The following ELP4 variants were observed in gnomAD, a reference collection of about 807,000 sequenced individuals.
The protein encoded by ELP4 is elongator complex protein 4.
A neutral mutation model predicts 48.9 loss-of-function variants in ELP4; 51 were observed. The ratio of observed to expected loss-of-function variants is 1.04; its 90% confidence interval spans 0.83 to 1.32. The LOEUF is 1.32. ELP4 is among the 40% of genes most tolerant of loss of function. ELP4 has a pLI of 0.00. For missense variants in ELP4, 519 were observed against 514.6 expected, an observed-to-expected ratio of 1.01 and a Z score of -0.08; for synonymous variants, 210 against 189.2, an observed-to-expected ratio of 1.11 and a Z score of -0.90.
At chr11:31,608,172 G>T (rs1957908459) in intron 5 of ELP4, among the ~76,000 whole-genome samples, 1 of 151,982 alleles carries the variant, frequency 6.6e-6, no homozygotes, top group Admixed American at 6.6e-5. Flanking sequence ...ATGTTAGAGG[G>T]TATAATGGAA....
chr11:31,628,429 A>G (rs909687722), intron 6 of ELP4: 3 of 105,556 alleles, frequency 2.8e-5, no homozygotes, highest in African/African-American at 1.2e-4. Context: ...GGTAATAGCA[A>G]AAGGAATACA....
intron 2 of ELP4, among the ~76,000 whole-genome samples, chr11:31,525,363 T>C (rs1015439566): frequency 2.0e-5 from 3 of 152,196 alleles, no homozygotes; most frequent in Admixed American, 6.5e-5. Flanking sequence ...GCTCTTACAA[T>C]GTGTTCAGCA....
chr11:31,585,245 T>G (rs1021233765), intron 3 of ELP4, among the ~76,000 whole-genome samples: 4 of 152,178 alleles, frequency 2.6e-5, no homozygotes, highest in African/African-American at 9.7e-5. Flanking sequence ...TCTTAAGAAT[T>G]AATTAGGGCC....
intron 9 of ELP4, among the ~76,000 whole-genome samples, chr11:31,782,403 G>A (rs566243266): frequency 3.9e-4 from 59 of 152,292 alleles, no homozygotes; most frequent in Non-Finnish European, 7.5e-4. Flanking sequence ...AAGGCTGTGT[G>A]TAGTCATCAG....
intron 9 of ELP4, among the ~76,000 whole-genome samples, chr11:31,745,962 G>A (rs370288555): frequency 6.6e-6 from 1 of 152,116 alleles, no homozygotes; most frequent in African/African-American, 2.4e-5. Flanking sequence ...GCAACCTACA[G>A]AATGGGAGAA....
chr11:31,557,036 A>C (rs1457331369), intron 3 of ELP4, among the ~76,000 whole-genome samples: 1 of 151,944 alleles, frequency 6.6e-6, no homozygotes, highest in Non-Finnish European at 1.5e-5. Context: ...CTTTGAAATA[A>C]ACCAGAAGTC....
chr11:31,650,994 G>C (rs1159318826), intron 9 of ELP4: 3 of 151,550 alleles, frequency 2.0e-5, no homozygotes, highest in Non-Finnish European at 4.4e-5. Context: ...CAAATGAAAA[G>C]CTCCTAAGCA....
rs527627231 is a variant in ELP4 at position 31,562,176 on chromosome 11, T to G, written c.381+22393T>G. Among the ~76,000 whole-genome samples, 62 of 152,338 alleles carry G rather than the reference T, an allele frequency of 4.1e-4. 1 individual carries two copies. Among genetic ancestry groups the G allele is most frequent in the African/African-American group, 1.4e-3 (58 of 41,584 alleles). On this transcript the variant is annotated intron_variant, in intron 3 of 9. Transcript: ENST00000640961. ...GGGATTAATTACATACGGAAATTGT[T>G]TTGAGATCTTTTGTGATTGGTACTT...
chr11:31,773,198 G>C (rs775267188), intron 9 of ELP4, among the ~76,000 whole-genome samples: 4 of 152,238 alleles, frequency 2.6e-5, no homozygotes, highest in African/African-American at 4.8e-5. Context: ...TAGATTTGCA[G>C]TCTATTTGCT....
intron 5 of ELP4, among the ~76,000 whole-genome samples, chr11:31,605,432 G>C (rs567306253): frequency 6.6e-6 from 1 of 151,926 alleles, no homozygotes; most frequent in Admixed American, 6.6e-5. Context: ...AATAGGTCAG[G>C]GTAATTTTCC....
At chr11:31,771,068 T>C (rs1444146315) in intron 9 of ELP4, among the ~76,000 whole-genome samples, 2 of 152,174 alleles carry the variant, frequency 1.3e-5, no homozygotes, top group African/African-American at 4.8e-5. Flanking sequence ...AGAATTAAAC[T>C]CAGCAAACCA....
At chr11:31,510,571 G>T in intron 1 of ELP4, 1 of 395,402 alleles carries the variant, frequency 2.5e-6, no homozygotes, top group South Asian at 1.4e-4. Flanking sequence ...AAAGTATTTT[G>T]AGCCTGTCGT....
At chr11:31,614,542 T>C (rs12787473) in intron 5 of ELP4, among the ~76,000 whole-genome samples, 2 of 152,132 alleles carry the variant, frequency 1.3e-5, no homozygotes, top group African/African-American at 4.8e-5. Context: ...ATAAGATAAC[T>C]TACATAGCCA....
In ELP4 at chr11:31,789,564, A is replaced by T; in HGVS notation, c.*6040A>T. The T allele has an allele frequency of 1.7e-6, 1 of 604,140 alleles. No individual in the cohort carries two copies. Among genetic ancestry groups the T allele is most frequent in the Admixed American group, 3.1e-5 (1 of 32,556 alleles). 37.4% of individuals were successfully genotyped at this position (604,140 alleles called of 1,614,324 possible). On this transcript the variant is annotated 3_prime_UTR_variant, in exon 10 of 10. Transcript: ENST00000640961. ...AAATTCGTGGCAAAGCTTGTTGATC[A>T]TGGTTTTCTTTTTAAAAAAAAAAAA...
chr11:31,683,883 T>G (rs1946107087), intron 9 of ELP4, among the ~76,000 whole-genome samples: 1 of 152,174 alleles, frequency 6.6e-6, no homozygotes, highest in African/African-American at 2.4e-5. Context: ...ACAATAGGAA[T>G]TACAGACTTC....
intron 9 of ELP4, among the ~76,000 whole-genome samples, chr11:31,722,238 G>T (rs1166304098): frequency 6.6e-6 from 1 of 152,126 alleles, no homozygotes; most frequent in Non-Finnish European, 1.5e-5. Context: ...TGCTGTTGTT[G>T]TCTGTTTCCA....
intron 7 of ELP4, among the ~76,000 whole-genome samples, chr11:31,642,468 T>G (rs1945118693): frequency 6.6e-6 from 1 of 151,904 alleles, no homozygotes; most frequent in Admixed American, 6.6e-5. Context: ...CTTAGCAGTT[T>G]TTTTCACCAT....
At chr11:31,649,879 T>C (rs1945284761) in intron 8 of ELP4, 1 of 352,728 alleles carries the variant, frequency 2.8e-6, no homozygotes, top group Non-Finnish European at 5.1e-6. Flanking sequence ...ACATCTGTAC[T>C]TCTGTACCAA....
At chr11:31,732,895 A>G (rs1947223281) in intron 9 of ELP4, among the ~76,000 whole-genome samples, 1 of 152,226 alleles carries the variant, frequency 6.6e-6, no homozygotes, top group South Asian at 2.1e-4. Flanking sequence ...AAATGTACCC[A>G]GCATCAGAGC....
Sources: gnomAD v4.1 joint callset for allele counts (sites outside exome capture counted in the v4.1 genomes callset) on GRCh38, gnomAD v4.1.1 for gene constraint, MANE v1.5 for transcripts, NCBI Gene and HGNC (gene_info 2026-07-23, HGNC 2026-07-21) for gene names.